Variants in RYR1 observed in about 807,000 individuals in gnomAD.
RYR1 encodes central core disease of muscle.
In RYR1, 342 loss-of-function variants were observed where a neutral mutation model predicts 583.5. The observed-to-expected ratio is 0.59, with a 90% CI of 0.54 to 0.64. RYR1 has a LOEUF of 0.64. Among genes scored for constraint, RYR1 ranks in the 30% least tolerant of loss-of-function variants. RYR1 has a pLI of 0.00. For missense variants in RYR1, 6,032 were observed against 6,917.2 expected, an observed-to-expected ratio of 0.87 and a Z score of 4.54; for synonymous variants, 2,791 against 2,822.5, an observed-to-expected ratio of 0.99 and a Z score of 0.35.
At chr19:38,437,413 G>A (rs1335877688) in intron 1 of RYR1, among the ~76,000 whole-genome samples, 2 of 152,080 alleles carry the variant, frequency 1.3e-5, no homozygotes, top group Non-Finnish European at 2.9e-5. Flanking sequence ...GCTCTCTGTC[G>A]CTGCTTTGCA....
At chr19:38,534,411 GA>G (rs1971874446) in intron 78 of RYR1, among the ~76,000 whole-genome samples, 2 of 152,302 alleles carry the variant, frequency 1.3e-5, no homozygotes, top group South Asian at 4.1e-4. Context: ...ATTTCTGTTA[GA>G]GGGCGGAAAA....
At chr19:38,506,724 T>TCA in intron 56 of RYR1, 105 bp from the exon 57 acceptor site, 1 of 1,562,516 alleles carries the variant, frequency 6.4e-7, no homozygotes, top group Non-Finnish European at 8.7e-7. Context: ...TATTCGTATC[T>TCA]TCTTTATCAC....
chr19:38,501,398 T>C (rs1209859096), intron 47 of RYR1, among the ~76,000 whole-genome samples: 6 of 152,178 alleles, frequency 3.9e-5, no homozygotes, highest in Non-Finnish European at 8.8e-5. Flanking sequence ...CTCAGGAGGC[T>C]GAGGCAGGAG....
chr19:38,492,422 ATGAG>A (rs901347517), intron 37 of RYR1, 64 bp from the exon 38 acceptor site: 1 of 1,569,824 alleles, frequency 6.4e-7, no homozygotes, highest in African/African-American at 1.4e-5. Context: ...GCACAAATAA[ATGAG>A]TGTGTAAGCA....
chr19:38,489,795 AT>A (rs1243512472), intron 35 of RYR1, among the ~76,000 whole-genome samples: 1 of 151,994 alleles, frequency 6.6e-6, no homozygotes, highest in African/African-American at 2.4e-5. Context: ...CGCCCAGCTA[AT>A]TTTTTGTATT....
chr19:38,436,028 C>T (rs1972411958), intron 1 of RYR1, among the ~76,000 whole-genome samples: 1 of 151,598 alleles, frequency 6.6e-6, no homozygotes, highest in South Asian at 2.1e-4. Flanking sequence ...TCTGCCTCAG[C>T]CTCCTGAGTA....
At chr19:38,506,719 G>T (rs1321807973) in intron 56 of RYR1, 110 bp from the exon 57 acceptor site, 15 of 1,531,126 alleles carry the variant, frequency 9.8e-6, no homozygotes, top group Non-Finnish European at 1.3e-5. Context: ...TCCGTTATTC[G>T]TATCTTCTTT....
In RYR1 at chr19:38,524,320, A is replaced by AG. The variant is rs1043219760; in HGVS notation, c.10455+391_10455+392insG. On this transcript the variant is annotated intron_variant, in intron 70 of 105. Transcript: ENST00000359596. Reference sequence around the variant, plus strand: ...GGAGGGGGCAGCACCCTCGCCGTGGATGGTTTAAAGCTTGGGCTCTGGACT... The same window carrying AG: ...GGAGGGGGCAGCACCCTCGCCGTGGAGTGGTTTAAAGCTTGGGCTCTGGACT... 1.6e-3 allele frequency among the ~76,000 whole-genome samples: 243 copies of AG among 152,018 alleles called. 3 individuals carry two copies. The highest frequency in any genetic ancestry group is 5.1e-3 in the Admixed American group (78 of 15,280).
At chr19:38,457,215 T>C (rs1029154200) in intron 16 of RYR1, among the ~76,000 whole-genome samples, 2 of 152,108 alleles carry the variant, frequency 1.3e-5, no homozygotes, top group Non-Finnish European at 2.9e-5. Context: ...GTCTGCCTTC[T>C]GACCTCTTAC....
rs374960200 is a variant in RYR1 at position 38,458,042 on chromosome 19, C to T, written c.1926-9C>T. 6 of 1,613,144 alleles carry T rather than the reference C, an allele frequency of 3.7e-6. No homozygotes were observed. The highest frequency in any genetic ancestry group is 1.7e-4 in the Middle Eastern group (1 of 5,922). ...GTCATCCCCCTCTCCTGTCCCATCTCTCCTGCAGCATCCGCCCCAACATCT... is the reference window on the plus strand; with the variant it reads ...GTCATCCCCCTCTCCTGTCCCATCTTTCCTGCAGCATCCGCCCCAACATCT... On this transcript the variant is annotated splice_polypyrimidine_tract_variant and intron_variant, in intron 17 of 105. Coordinates refer to ENST00000359596, the MANE Select transcript of RYR1 (RefSeq NM_000540.3).
At position 38,455,721 on chromosome 19, in the gene RYR1, C is replaced by T. The variant is rs1967340266; in HGVS notation, c.1761C>T (p.Ser587=). Residue 587 remains serine, a synonymous_variant, in exon 16 of 106, where the codon TCC becomes TCT. Transcript: ENST00000359596. ...IQENHIKSII[S]LLDKHGRNHK... ...AGAATCACATCAAGTCCATCATCTC[C>T]CTCCTGGACAAGCATGGGAGGAACC... 1.2e-6 allele frequency: 2 copies of T among 1,612,984 alleles called. No homozygotes were observed. The highest frequency in any genetic ancestry group is 8.5e-7 in the Non-Finnish European group (1 of 1,179,224).
intron 23 of RYR1, among the ~76,000 whole-genome samples, chr19:38,465,441 C>G (rs1047116247): frequency 2.0e-5 from 3 of 151,980 alleles, no homozygotes; most frequent in African/African-American, 7.3e-5. Flanking sequence ...GCACTCCAGC[C>G]TGGGTGACAG....
intron 7 of RYR1, among the ~76,000 whole-genome samples, chr19:38,445,614 C>T (rs542093240): frequency 7.2e-5 from 11 of 152,236 alleles, no homozygotes; most frequent in Middle Eastern, 3.4e-3. Context: ...GTTCCTACGT[C>T]ATACCCCAAA....
At chr19:38,443,243 C>T (rs531025033) in intron 3 of RYR1, among the ~76,000 whole-genome samples, 1 of 152,268 alleles carries the variant, frequency 6.6e-6, no homozygotes, top group Admixed American at 6.5e-5. Context: ...TCAGGGTCCC[C>T]AGGAAACTAG....
At chr19:38,581,894 A>G (rs549144807) in intron 101 of RYR1, among the ~76,000 whole-genome samples, 224 of 152,192 alleles carry the variant, frequency 1.5e-3, no homozygotes, top group Non-Finnish European at 2.3e-3. Flanking sequence ...AGATGTGAGC[A>G]ACTGCACCCG....
Position 38,512,474 on chromosome 19 carries a change from G to A in RYR1, c.9463G>A (p.Asp3155Asn). ...CATCGCCCAGCACCAGTTCGGAGATGACGTCATCCGTAAGGGCGCCTGACC... is the reference window on the plus strand; with the variant it reads ...CATCGCCCAGCACCAGTTCGGAGATAACGTCATCCGTAAGGGCGCCTGACC... ...QHIAQHQFGD[D>N]VILDDVQVSC... Residue 3155 changes from aspartate (D) to asparagine (N), a missense_variant, in exon 63 of 106, where the codon GAC (aspartate) becomes AAC (asparagine). Around this residue, in one of 11 missense-constraint regions of RYR1, gnomAD observed 1,493 missense variants for 1,715.5 expected, o/e 0.87. Transcript: ENST00000359596. The surrounding 1 kb of genome is among the most constrained non-coding windows in gnomAD (Gnocchi z 5.1). 1 of 1,611,390 alleles carries A rather than the reference G, an allele frequency of 6.2e-7. No individual in the cohort carries two copies. The highest frequency in any genetic ancestry group is 8.5e-7 in the Non-Finnish European group (1 of 1,180,034).
chr19:38,511,662 C>A (rs1970732140), intron 61 of RYR1, 52 bp downstream of exon 61: 1 of 1,587,206 alleles, frequency 6.3e-7, no homozygotes, highest in Non-Finnish European at 8.7e-7. Flanking sequence ...TCTTCCCCAC[C>A]CTGAAGAAAT....
Position 38,575,900 on chromosome 19 carries a change from T to C in RYR1, c.14130-19T>C. 7.0e-7 allele frequency: 1 copy of C among 1,427,464 alleles called. No homozygotes were observed. Among genetic ancestry groups the C allele is most frequent in the African/African-American group, 1.4e-5 (1 of 70,912 alleles). The allele number at this position is 1,427,464 out of a possible 1,614,324, so 88.4% of individuals were successfully genotyped here. On this transcript the variant is annotated intron_variant, in intron 96 of 105. Coordinates refer to ENST00000359596, the MANE Select transcript of RYR1 (RefSeq NM_000540.3). ...GCCCTAACATCTTATACTCACGCTT[T>C]CTCTCTCTCTCTCTGCAGGTCTTTC... is the stretch of plus-strand genomic sequence containing the variant.
At chr19:38,448,959 G>T in intron 11 of RYR1, 146 bp downstream of exon 11, 1 of 787,938 alleles carries the variant, frequency 1.3e-6, no homozygotes, top group Non-Finnish European at 2.1e-6. Flanking sequence ...GTACTGAGGG[G>T]TGGTGCTTGA....
Sources: allele counts gnomAD v4.1 joint callset (sites outside exome capture counted in the v4.1 genomes callset), GRCh38; gene constraint gnomAD v4.1.1; regional missense constraint gnomAD v4.1.1; non-coding constraint Gnocchi (gnomAD v3.1); transcripts MANE v1.5; gene names NCBI Gene and HGNC (gene_info 2026-07-23, HGNC 2026-07-21).